The following FAT3 variants were observed in gnomAD, a reference collection of about 807,000 sequenced individuals.
FAT3 encodes protocadherin Fat 3.
FAT3 carries 95 observed loss-of-function variants against 310.2 expected under a neutral mutation model. The ratio of observed to expected loss-of-function variants is 0.31; its 90% CI spans 0.26 to 0.36. The LOEUF is 0.36. Among genes scored for constraint, FAT3 ranks in the 10% least tolerant of loss-of-function variants. FAT3 has a pLI of 1.00. For missense variants in FAT3, 5,408 were observed against 5,715.6 expected (o/e 0.95, Z 1.74); for synonymous variants, 2,314 against 2,192.9 (o/e 1.06, Z -1.54).
chr11:92,770,263 G>A (rs1946425951), intron 6 of FAT3, among the ~76,000 whole-genome samples: 1 of 152,074 alleles, frequency 6.6e-6, no homozygotes, highest in Admixed American at 6.6e-5. Flanking sequence ...AAGAAGCCTA[G>A]AAACACTTCA....
chr11:92,315,449 A>C (rs1042978611), intron 1 of FAT3, among the ~76,000 whole-genome samples: 3 of 132,700 alleles, frequency 2.3e-5, no homozygotes, highest in Non-Finnish European at 4.7e-5. Flanking sequence ...GTGTGTGTGT[A>C]TATATATGTG....
rs1160050411 is a variant in FAT3, at chr11:92,266,790, G to A, written c.-18+41616G>A. The stretch of plus-strand genomic sequence containing the variant: ...GGTGAATATTTGCCAGAAGTTTTAT[G>A]GAAATGCCATTAGAAAATCTAGGCT... On this transcript the variant is annotated intron_variant, in intron 1 of 27. Transcript: ENST00000525166. 2.0e-5 allele frequency among the ~76,000 whole-genome samples: 3 copies of A among 152,082 alleles called. No homozygotes were observed. The East Asian group carries it at 5.8e-4, about 29-fold the overall frequency.
intron 18 of FAT3, among the ~76,000 whole-genome samples, chr11:92,843,279 C>G (rs1187412374): frequency 5.3e-5 from 8 of 152,330 alleles, no homozygotes; most frequent in African/African-American, 1.9e-4. Flanking sequence ...CCATGGGAAT[C>G]TGCCCTTCTC....
rs188973054 is a variant in FAT3, at chr11:92,259,292, A to G, written c.-18+34118A>G. On this transcript the variant is annotated intron_variant, in intron 1 of 27. Coordinates refer to ENST00000525166, the MANE Select transcript of FAT3 (RefSeq NM_001367949.2). ...GGAAATATGAACTTTCTCCTGCTGC[A>G]TAAGATTTAAACTCTTGACATTTAA... 4.5e-3 allele frequency among the ~76,000 whole-genome samples: 683 copies of G among 152,262 alleles called. 2 individuals are homozygous for G. The highest frequency in any genetic ancestry group is 0.016 in the African/African-American group (661 of 41,564).
intron 4 of FAT3, among the ~76,000 whole-genome samples, chr11:92,709,152 C>G (rs1422512009): frequency 6.6e-6 from 1 of 152,228 alleles, no homozygotes; most frequent in Non-Finnish European, 1.5e-5. Flanking sequence ...AGCCTTATCA[C>G]TAACCCCTAA....
intron 2 of FAT3, among the ~76,000 whole-genome samples, chr11:92,435,612 C>CT (rs762257109): frequency 6.8e-6 from 1 of 147,266 alleles, no homozygotes; most frequent in South Asian, 2.1e-4. Context: ...ATTGCACAGG[C>CT]TGGAGTACAG....
chr11:92,705,494 GGTGGTGATGGTGGTGGTGTGATA>G, intron 4 of FAT3, among the ~76,000 whole-genome samples: 1 of 92,850 alleles, frequency 1.1e-5, no homozygotes, highest in Admixed American at 1.1e-4. Context: ...GTGTGATGGT[GGTGGTGATGGTGGTGGTGTGATA>G]GTGGTGTTGG....
intron 1 of FAT3, among the ~76,000 whole-genome samples, chr11:92,322,519 T>C (rs1023590281): frequency 3.3e-5 from 5 of 152,198 alleles, no homozygotes; most frequent in Non-Finnish European, 5.9e-5. Context: ...GATTCCTCTG[T>C]AGCATGCGAT....
At chr11:92,386,829 C>T (rs551951099) in intron 2 of FAT3, among the ~76,000 whole-genome samples, 3 of 152,314 alleles carry the variant, frequency 2.0e-5, no homozygotes, top group African/African-American at 4.8e-5. Context: ...GATCTGGGAC[C>T]GGATCCTACA....
At chr11:92,840,476 T>G in intron 17 of FAT3, 86 bp from the exon 18 acceptor site, 1 of 1,241,624 alleles carries the variant, frequency 8.1e-7, no homozygotes, top group African/African-American at 1.5e-5. Context: ...AATGATGGTA[T>G]TTTTGATTTG....
intron 1 of FAT3, among the ~76,000 whole-genome samples, chr11:92,320,002 G>A (rs117495297): frequency 6.6e-6 from 1 of 152,164 alleles, no homozygotes; most frequent in Non-Finnish European, 1.5e-5. Context: ...ACTTTAATTT[G>A]CTAGTGTGCA....
chr11:92,679,567 G>T (rs1943405445), intron 3 of FAT3, among the ~76,000 whole-genome samples: 1 of 151,898 alleles, frequency 6.6e-6, no homozygotes. Flanking sequence ...TTGAGGCCAG[G>T]CACGGTGGCT....
rs750201929 is a variant in FAT3, at chr11:92,834,873, G to A, written c.9875G>A (p.Gly3292Asp). The A allele has an allele frequency of 5.6e-6, 9 of 1,605,310 alleles. No homozygotes were observed. The highest frequency in any genetic ancestry group is 1.3e-5 in the African/African-American group (1 of 74,776). ...AGCTCCCCATTTTTCTTCAAAGGGG[G>A]TATTTCTGTCTCTGAAGTCCTGGAC... ...GKFKINPKTGGISVSEVLDYE... is the reference protein window; with the variant it reads ...GKFKINPKTGDISVSEVLDYE... Residue 3292 changes from glycine (G) to aspartate (D), a missense_variant, in exon 15 of 28, where the codon GGT becomes GAT. Transcript: ENST00000525166.
At chr11:92,440,918 A>G (rs896253508) in intron 2 of FAT3, among the ~76,000 whole-genome samples, 2 of 152,192 alleles carry the variant, frequency 1.3e-5, no homozygotes, top group South Asian at 2.1e-4. Flanking sequence ...CCTTAACCTG[A>G]CTGGGTCTCA....
chr11:92,876,476 C>T (rs1025659775), intron 22 of FAT3, among the ~76,000 whole-genome samples: 8 of 152,334 alleles, frequency 5.3e-5, no homozygotes, highest in African/African-American at 1.9e-4. Context: ...TCAGGCTGGC[C>T]TTCTGTAGAC....
intron 20 of FAT3, among the ~76,000 whole-genome samples, chr11:92,857,915 T>C (rs553235249): frequency 6.6e-6 from 1 of 152,352 alleles, no homozygotes; most frequent in Non-Finnish European, 1.5e-5. Context: ...TATTTTAATC[T>C]AAATGATCCT....
rs548803457 is a variant in FAT3, at chr11:92,636,616, T to TA, written c.3608-60762dup. 3.1e-3 allele frequency among the ~76,000 whole-genome samples: 465 copies of TA among 152,300 alleles called. 3 individuals are homozygous for TA. The highest frequency in any genetic ancestry group is 5.2e-3 in the Admixed American group (79 of 15,298). On this transcript the variant is annotated intron_variant, in intron 3 of 27. Transcript: ENST00000525166. Reference sequence around the variant, plus strand: ...CAATAAAGAAGAAATCAATCTGTGATAAAAAAGTAAAGTCAGCAAGATTCA... The same window carrying TA: ...CAATAAAGAAGAAATCAATCTGTGATAAAAAAAGTAAAGTCAGCAAGATTCA...
intron 1 of FAT3, among the ~76,000 whole-genome samples, chr11:92,308,315 A>G (rs867288074): frequency 1.3e-5 from 2 of 152,230 alleles, no homozygotes; most frequent in African/African-American, 4.8e-5. Flanking sequence ...TAGGAATAAA[A>G]TATTAGTGAA....
intron 3 of FAT3, among the ~76,000 whole-genome samples, chr11:92,539,507 C>A (rs576009448): frequency 1.3e-5 from 2 of 152,068 alleles, no homozygotes; most frequent in African/African-American, 4.8e-5. Flanking sequence ...ATTTAATAAG[C>A]CTTTACGGAT....
Sources: allele counts gnomAD v4.1 joint callset (sites outside exome capture counted in the v4.1 genomes callset), GRCh38; gene constraint gnomAD v4.1.1; transcripts MANE v1.5; gene names NCBI Gene and HGNC (gene_info 2026-07-23, HGNC 2026-07-21).